Variants in LRRC37A3 observed in about 807,000 individuals in gnomAD.
LRRC37A3 encodes the protein leucine rich repeat containing 37 member A3.
A neutral mutation model predicts 106.2 loss-of-function variants in LRRC37A3; 25 were observed. The ratio of observed to expected loss-of-function variants is 0.24; its 90% CI spans 0.17 to 0.33. The LOEUF (loss-of-function observed/expected upper bound fraction) is 0.33, where lower values mean the gene tolerates loss of function less well. Among genes scored for constraint, LRRC37A3 ranks in the 10% least tolerant of loss-of-function variants. The pLI, the probability that LRRC37A3 is intolerant of heterozygous loss-of-function variation, is 1.00. For synonymous variants in LRRC37A3, 305 were observed against 635.8 expected, an observed-to-expected ratio of 0.48 and a Z score of 7.83; for missense variants, 712 against 1,644.9, an observed-to-expected ratio of 0.43 and a Z score of 9.81.
At chr17:64,874,350 G>T (rs546498688) in intron 8 of LRRC37A3, among the ~76,000 whole-genome samples, 2 of 149,948 alleles carry the variant, frequency 1.3e-5, no homozygotes, top group Non-Finnish European at 1.5e-5. Flanking sequence ...CGTCTGAGAC[G>T]TGAGGAGCCC....
Position 64,865,064 on chromosome 17 carries a change from C to T in LRRC37A3, c.3054-2046G>A, listed in dbSNP as rs566455528. ...ATTATTCCTTTGGGTCCAGTGGAAG[C>T]CTCTGATCTTCATATGGAATGGACC... is the stretch of plus-strand genomic sequence containing the variant. On this transcript the variant is annotated intron_variant, in intron 10 of 14. Transcript: ENST00000584306. 1.9e-3 allele frequency among the ~76,000 whole-genome samples: 289 copies of T among 152,292 alleles called. 3 individuals carry two copies. The highest frequency in any genetic ancestry group is 3.2e-3 in the Non-Finnish European group (220 of 68,038).
chr17:64,870,698 T>C (rs1973282629), intron 8 of LRRC37A3, among the ~76,000 whole-genome samples: 1 of 152,250 alleles, frequency 6.6e-6, no homozygotes, highest in South Asian at 2.1e-4. Flanking sequence ...TTTGAACTCA[T>C]GTGTTTAATC....
chr17:64,875,643 G>A (rs1973484848), intron 8 of LRRC37A3, among the ~76,000 whole-genome samples: 1 of 152,072 alleles, frequency 6.6e-6, no homozygotes, highest in Non-Finnish European at 1.5e-5. Context: ...ACAAAAATTA[G>A]CTGGGTGTGG....
intron 8 of LRRC37A3, among the ~76,000 whole-genome samples, chr17:64,873,429 G>A (rs1973388631): frequency 6.6e-6 from 1 of 152,164 alleles, no homozygotes; most frequent in Non-Finnish European, 1.5e-5. Context: ...CAAAGTGCTG[G>A]GGTTATAGGC....
intron 8 of LRRC37A3, among the ~76,000 whole-genome samples, chr17:64,875,754 A>C (rs951162133): frequency 6.6e-6 from 1 of 152,052 alleles, no homozygotes; most frequent in Non-Finnish European, 1.5e-5. Context: ...GTGCCACTGC[A>C]CTCTAGCCTG....
intron 13 of LRRC37A3, among the ~76,000 whole-genome samples, chr17:64,858,054 C>A (rs1972739289): frequency 6.6e-6 from 1 of 152,176 alleles, no homozygotes; most frequent in Non-Finnish European, 1.5e-5. Flanking sequence ...GTAAACAGGA[C>A]TTGCCCCAGA....
rs769893046 is a variant in LRRC37A3, at chr17:64,860,314, C to T, written c.3832G>A (p.Ala1278Thr). The T allele has an allele frequency of 5.6e-6, 9 of 1,613,810 alleles. No homozygotes were observed. Among genetic ancestry groups the T allele is most frequent in the South Asian group, 4.4e-5 (4 of 91,072 alleles). ...TTTGCACTTTCTAAAATGGAAATAGCGTGGGTTAAGTCTTTCCATCTGTCT... is the reference window on the plus strand; with the variant it reads ...TTTGCACTTTCTAAAATGGAAATAGTGTGGGTTAAGTCTTTCCATCTGTCT... ...VRDRWKDLTHAISILESAKAR... is the reference protein window; with the variant it reads ...VRDRWKDLTHTISILESAKAR... The change falls in exon 12 of 15, where the codon GCT becomes ACT. Residue 1278 changes from alanine to threonine, a missense_variant. Transcript: ENST00000584306.
chr17:64,861,810 A>T (rs1203983549), intron 11 of LRRC37A3, among the ~76,000 whole-genome samples: 3 of 152,156 alleles, frequency 2.0e-5, no homozygotes, highest in Admixed American at 2.0e-4. Flanking sequence ...AATATTTTGG[A>T]TGGGGAATCA....
At chr17:64,867,849 G>A (rs1003161784) in intron 10 of LRRC37A3, among the ~76,000 whole-genome samples, 24 of 152,006 alleles carry the variant, frequency 1.6e-4, no homozygotes, top group African/African-American at 4.1e-4. Context: ...TGAGGCAGGC[G>A]GATCACTTGA....
In LRRC37A3 at chr17:64,890,273, G is replaced by C. The variant is rs985419056; in HGVS notation, c.2682-521C>G. 2.2e-5 allele frequency among the ~76,000 whole-genome samples: 3 copies of C among 137,134 alleles called. 1 individual carries two copies. The highest frequency in any genetic ancestry group is 1.1e-4 in the African/African-American group (3 of 28,166). 90.0% of individuals were successfully genotyped at this position (137,134 alleles called of 152,430 possible). A position where few individuals can be genotyped will look rare whatever the true frequency, so the allele number is the denominator to read the frequency against. ...AATTTTTGAGACAGGGTCTCACTCT[G>C]TTCCCAGACTGGTCTCAAACTCCTG... On this transcript the variant is annotated intron_variant, in intron 5 of 14. Coordinates refer to ENST00000584306, the MANE Select transcript of LRRC37A3 (RefSeq NM_199340.5).
chr17:64,862,951 T>C lies in LRRC37A3; in HGVS notation c.3121A>G (p.Thr1041Ala). ...FKNSIEAVCK[T>A]VKLHCNSACL... is the part of the protein sequence containing the mutation. ...GCACTGTTGCAATGCAGCTTGACTG[T>C]CTTGCAGACAGCCTCAATGCTGTTT... The change falls in exon 11 of 15, where the codon ACA (threonine) becomes GCA (alanine). Residue 1041 changes from threonine to alanine, a missense_variant. Thr to Ala is a moderately conservative substitution (Grantham distance 58). Transcript: ENST00000584306. The C allele has an allele frequency of 6.3e-7, 1 of 1,598,990 alleles. No homozygotes were observed. The highest frequency in any genetic ancestry group is 8.5e-7 in the Non-Finnish European group (1 of 1,179,794).
chr17:64,863,357 T>A, intron 10 of LRRC37A3: 1 of 294,976 alleles, frequency 3.4e-6, no homozygotes, highest in Non-Finnish European at 6.4e-6. Context: ...GAAGTCTGAA[T>A]AAGCCCCCAA....
In LRRC37A3 at chr17:64,860,817, G is replaced by A; in HGVS notation, c.3329C>T (p.Thr1110Ile). 1 of 1,614,184 alleles carries A rather than the reference G, an allele frequency of 6.2e-7. No homozygotes were observed. The highest frequency in any genetic ancestry group is 1.7e-5 in the Admixed American group (1 of 60,016). ...LSGFGSEQLD[T>I]NDESDVTSTL... ...ACTGGTAACATCACTCTCGTCATTG[G>A]TGTCTAGCTGCTCACTCCCAAAGCC... The change falls in exon 12 of 15, where the codon ACC becomes ATC. Residue 1110 changes from threonine (T) to isoleucine (I), a missense_variant. Thr to Ile is a moderately conservative substitution (Grantham distance 89). Coordinates refer to ENST00000584306, the MANE Select transcript of LRRC37A3 (RefSeq NM_199340.5).
Position 64,870,916 on chromosome 17 carries a change from C to T in LRRC37A3, c.2907-1750G>A, listed in dbSNP as rs1343963985. Among the ~76,000 whole-genome samples the T allele has an allele frequency of 2.6e-5, 4 of 151,928 alleles. No homozygotes were observed. The East Asian group carries it at 7.7e-4, about 29-fold the overall frequency. ...ACAGGGTCTTGCTCCATTGACCAGG[C>T]TGGAGTGCAGTGGTGTGATCTTGGC... On this transcript the variant is annotated intron_variant, in intron 8 of 14. Coordinates refer to ENST00000584306, the MANE Select transcript of LRRC37A3 (RefSeq NM_199340.5).
chr17:64,876,380 T>C (rs1391428777), intron 8 of LRRC37A3, among the ~76,000 whole-genome samples: 1 of 152,050 alleles, frequency 6.6e-6, no homozygotes, highest in East Asian at 1.9e-4. Context: ...AGATAAGCTC[T>C]CAGTATGTTG....
chr17:64,864,487 T>C (rs1191822478), intron 10 of LRRC37A3, among the ~76,000 whole-genome samples: 1 of 152,206 alleles, frequency 6.6e-6, no homozygotes, highest in Admixed American at 6.5e-5. Context: ...ATACGTAAAT[T>C]TGGGCAAAAG....
intron 8 of LRRC37A3, among the ~76,000 whole-genome samples, chr17:64,871,181 A>T (rs1973300150): frequency 6.6e-6 from 1 of 151,420 alleles, no homozygotes. Flanking sequence ...AGAAGACTAA[A>T]TACAGAAGTG....
intron 2 of LRRC37A3, among the ~76,000 whole-genome samples, chr17:64,916,398 C>T (rs544546220): frequency 1.3e-5 from 2 of 152,058 alleles, no homozygotes; most frequent in East Asian, 1.9e-4. Context: ...AGCGAGACTC[C>T]GTCTCAAATA....
At position 64,860,214 on chromosome 17, in the gene LRRC37A3, C is replaced by A. The variant is rs149807421; in HGVS notation, c.3932G>T (p.Arg1311Leu). 6.2e-7 allele frequency: 1 copy of A among 1,613,860 alleles called. No individual in the cohort carries two copies. Among genetic ancestry groups the A allele is most frequent in the East Asian group, 2.2e-5 (1 of 44,886 alleles). The stretch of plus-strand genomic sequence containing the variant: ...GGGTGTTCTGTGGGTCATGCGGGAG[C>A]GAGTTTTGTGAAAGCGGTATTTTTT... ...SRKKYRFHKT[R>L]SRMTHRTPKV... The change falls in exon 12 of 15, where the codon CGC becomes CTC. Residue 1311 changes from arginine to leucine, a missense_variant. Arg to Leu is a moderately radical substitution (Grantham distance 102). Coordinates refer to ENST00000584306, the MANE Select transcript of LRRC37A3 (RefSeq NM_199340.5).
Sources: allele counts gnomAD v4.1 joint callset (sites outside exome capture counted in the v4.1 genomes callset), GRCh38; gene constraint gnomAD v4.1.1; transcripts MANE v1.5; gene names NCBI Gene and HGNC (gene_info 2026-07-23, HGNC 2026-07-21).